The following RNLS variants were observed in gnomAD, a reference collection of about 807,000 sequenced individuals.
The protein encoded by RNLS is renalase.
RNLS carries 39 observed loss-of-function variants against 39.8 expected under a neutral mutation model. The observed-to-expected ratio is 0.98, with a 90% CI of 0.76 to 1.28. RNLS has a LOEUF of 1.28. Among genes scored for constraint, RNLS ranks in the 50% most tolerant of loss-of-function variants. The pLI is 0.00. For missense variants in RNLS, 410 were observed against 413.3 expected (o/e 0.99, Z 0.07); for synonymous variants, 147 against 150.7 (o/e 0.98, Z 0.18).
At chr10:88,457,573 A>G (rs1386299626) in intron 4 of RNLS, among the ~76,000 whole-genome samples, 2 of 152,242 alleles carry the variant, frequency 1.3e-5, no homozygotes, top group African/African-American at 4.8e-5. Context: ...AATGCAATGC[A>G]CTGTCTCTGG....
At chr10:88,448,476 C>T (rs371609621) in intron 4 of RNLS, among the ~76,000 whole-genome samples, 6,217 of 151,998 alleles carry the variant, frequency 0.041, 171 homozygotes, top group Middle Eastern at 0.075. Context: ...GTTAGAATGG[C>T]GATCATTAAA....
rs146437445 is a variant in RNLS at position 88,462,444 on chromosome 10, T to C, written c.527-99719A>G. 2.3e-3 allele frequency among the ~76,000 whole-genome samples: 352 copies of C among 152,160 alleles called. 2 individuals are homozygous for C. Among genetic ancestry groups the C allele is most frequent in the African/African-American group, 8.0e-3 (334 of 41,566 alleles). On this transcript the variant is annotated intron_variant, in intron 4 of 6. Coordinates refer to ENST00000331772, the MANE Select transcript of RNLS (RefSeq NM_001031709.3). The stretch of plus-strand genomic sequence containing the variant: ...TTATCTGCCTCCATCAACTCTTCTA[T>C]GTTGATTTCATCTTTAATGAACATT...
chr10:88,583,219 GTC>G lies in RNLS; in HGVS notation c.-31_-30del. On this transcript the variant is annotated 5_prime_UTR_variant, in exon 1 of 7. Coordinates refer to ENST00000331772, the MANE Select transcript of RNLS (RefSeq NM_001031709.3). ...GAGAGGGAGCAGCGATCCGCGCTGA[GTC>G]TCTGCGGCGGGGCCGTTCGGCCCGG... 1 of 1,612,264 alleles carries G rather than the reference GTC, an allele frequency of 6.2e-7. No homozygotes were observed. The highest frequency in any genetic ancestry group is 8.5e-7 in the Non-Finnish European group (1 of 1,179,410).
chr10:88,390,587 T>C (rs1852137017), intron 4 of RNLS, among the ~76,000 whole-genome samples: 1 of 149,824 alleles, frequency 6.7e-6, no homozygotes, highest in Non-Finnish European at 1.5e-5. Flanking sequence ...GGGACCTTTC[T>C]TTGAAACTTG....
intron 5 of RNLS, among the ~76,000 whole-genome samples, chr10:88,341,618 G>A (rs1847966591): frequency 6.6e-6 from 1 of 151,896 alleles, no homozygotes; most frequent in Non-Finnish European, 1.5e-5. Flanking sequence ...AAAACATAGA[G>A]TACATAGAAA....
chr10:88,446,028 AT>A (rs1283374727), intron 4 of RNLS, among the ~76,000 whole-genome samples: 1 of 152,228 alleles, frequency 6.6e-6, no homozygotes, highest in African/African-American at 2.4e-5. Flanking sequence ...TCAGCACCAC[AT>A]CGCACTTATT....
At chr10:88,187,617 T>C in the RNLS span, among the ~76,000 whole-genome samples, 1 of 152,054 alleles carries the variant, frequency 6.6e-6, no homozygotes, top group Non-Finnish European at 1.5e-5. Context: ...GCAGATTGAG[T>C]CCCTCAGCTG....
chr10:88,558,558 A>G (rs1052310003), intron 4 of RNLS, among the ~76,000 whole-genome samples: 5 of 152,114 alleles, frequency 3.3e-5, no homozygotes, highest in African/African-American at 1.2e-4. Flanking sequence ...AATAACTGCA[A>G]TAACAGAAGT....
rs552368726 is a variant in RNLS, at chr10:88,335,738, A to G, written c.701-21097T>C. Among the ~76,000 whole-genome samples the G allele has an allele frequency of 2.6e-5, 4 of 152,304 alleles. No homozygotes were observed. The East Asian group carries it at 7.7e-4, about 29-fold the overall frequency. ...CATTGTGGGTTTGGAAGTATAAGAG[A>G]GGTTGCTCTGTGATCCTTTCCTGCC... On this transcript the variant is annotated intron_variant, in intron 5 of 6. Coordinates refer to ENST00000331772, the MANE Select transcript of RNLS (RefSeq NM_001031709.3).
At chr10:88,292,358 T>A (rs1287375733) in intron 6 of RNLS, among the ~76,000 whole-genome samples, 2 of 151,848 alleles carry the variant, frequency 1.3e-5, no homozygotes, top group East Asian at 3.9e-4. Context: ...AACCAGCAAT[T>A]CTTTAAGCCA....
intron 6 of RNLS, among the ~76,000 whole-genome samples, chr10:88,299,987 A>G (rs573114294): frequency 6.6e-6 from 1 of 152,362 alleles, no homozygotes; most frequent in African/African-American, 2.4e-5. Flanking sequence ...AGCTGACAGC[A>G]GCAAAAAAAG....
intron 6 of RNLS, among the ~76,000 whole-genome samples, chr10:88,277,416 A>T (rs753048580): frequency 6.6e-6 from 1 of 152,192 alleles, no homozygotes; most frequent in Non-Finnish European, 1.5e-5. Context: ...AACATGGCAC[A>T]TGTATACCTA....
At chr10:88,450,604 G>A (rs765000977) in intron 4 of RNLS, among the ~76,000 whole-genome samples, 1 of 151,756 alleles carries the variant, frequency 6.6e-6, no homozygotes, top group Non-Finnish European at 1.5e-5. Flanking sequence ...ACTGTCATTG[G>A]TCAGTGAGGA....
At chr10:88,341,003 G>T (rs867027848) in intron 5 of RNLS, among the ~76,000 whole-genome samples, 48 of 146,740 alleles carry the variant, frequency 3.3e-4, no homozygotes, top group African/African-American at 1.1e-3. Flanking sequence ...AGGTTGCAGT[G>T]AGCCAAGATC....
At chr10:88,512,123 A>T (rs948087162) in intron 4 of RNLS, among the ~76,000 whole-genome samples, 1 of 152,188 alleles carries the variant, frequency 6.6e-6, no homozygotes, top group Non-Finnish European at 1.5e-5. Context: ...AATAACATAC[A>T]TGTACACTAA....
the RNLS span, among the ~76,000 whole-genome samples, chr10:88,224,541 C>T: frequency 6.6e-6 from 1 of 152,202 alleles, no homozygotes; most frequent in Non-Finnish European, 1.5e-5. Context: ...AGAGTGGGCA[C>T]TCTGTCTGTT....
At chr10:88,479,544 T>C (rs1397549753) in intron 4 of RNLS, among the ~76,000 whole-genome samples, 1 of 152,088 alleles carries the variant, frequency 6.6e-6, no homozygotes, top group Non-Finnish European at 1.5e-5. Context: ...TTAGTGTCAA[T>C]TTTAGAAATA....
In RNLS at chr10:88,583,124, G is replaced by T. The variant is rs1290364097; in HGVS notation, c.67C>A (p.Gln23Lys). The T allele has an allele frequency of 1.2e-6, 2 of 1,614,112 alleles. No individual in the cohort carries two copies. The highest frequency in any genetic ancestry group is 1.7e-6 in the Non-Finnish European group (2 of 1,179,968). The change falls in exon 1 of 7, where the codon CAG becomes AAG. Residue 23 changes from glutamine (Q) to lysine (K), a missense_variant. By Grantham distance (53) the Gln-to-Lys change is moderately conservative (BLOSUM62 1). Coordinates refer to ENST00000331772, the MANE Select transcript of RNLS (RefSeq NM_001031709.3). ...GSLCAALLRR[Q>K]TSGPLYLAVW... ...GCAAGGTACAAGGGACCGGACGTCTGCCTCCTCAGCAGCGCAGCGCACAAG... is the reference window on the plus strand; with the variant it reads ...GCAAGGTACAAGGGACCGGACGTCTTCCTCCTCAGCAGCGCAGCGCACAAG...
the RNLS span, among the ~76,000 whole-genome samples, chr10:88,259,597 T>G: frequency 2.6e-5 from 4 of 152,218 alleles, no homozygotes; most frequent in South Asian, 2.1e-4. Flanking sequence ...CTCTCACGCA[T>G]AGTTACCAAC....
Sources: allele counts gnomAD v4.1 joint callset (sites outside exome capture counted in the v4.1 genomes callset), GRCh38; gene constraint gnomAD v4.1.1; transcripts MANE v1.5; gene names NCBI Gene and HGNC (gene_info 2026-07-23, HGNC 2026-07-21).